GARIN5A: variants seen among roughly 807,000 people sequenced by gnomAD.
The protein encoded by GARIN5A is golgi associated RAB2 interactor 5A.
chr19:50,476,259 G>A, the GARIN5A span: 37 of 1,611,494 alleles, frequency 2.3e-5, no homozygotes, highest in East Asian at 3.1e-4. Flanking sequence ...CGAGGGGGCG[G>A]GACTACGCGC....
chr19:50,476,561 C>A, the GARIN5A span: 6 of 1,575,200 alleles, frequency 3.8e-6, no homozygotes, highest in Non-Finnish European at 5.1e-6. Flanking sequence ...GCAGCCAGCG[C>A]TGGGGCAACC....
the GARIN5A span, chr19:50,467,916 C>A: frequency 9.0e-7 from 1 of 1,117,254 alleles, no homozygotes. Flanking sequence ...CCTTGCCACC[C>A]CTCCCTCTGC....
the GARIN5A span, chr19:50,476,353 C>A: frequency 6.3e-7 from 1 of 1,574,882 alleles, no homozygotes; most frequent in Non-Finnish European, 8.6e-7. Flanking sequence ...CTGGAGGGGG[C>A]GGCTCCTGGA....
chr19:50,471,709 TGTGTGTATACGCATACATGCAC>T, the GARIN5A span, among the ~76,000 whole-genome samples: 2 of 144,504 alleles, frequency 1.4e-5, no homozygotes, highest in Admixed American at 1.4e-4. Context: ...TACATGCACG[TGTGTGTATACGCATACATGCAC>T]GTGTGTGTAT....
At chr19:50,476,478 G>C in the GARIN5A span, 5 of 1,574,734 alleles carry the variant, frequency 3.2e-6, no homozygotes, top group African/African-American at 6.8e-5. Context: ...GATGCGGCCT[G>C]TTCCTCCCGG....
chr19:50,476,818 G>T, the GARIN5A span: 1 of 543,136 alleles, frequency 1.8e-6, no homozygotes, highest in Non-Finnish European at 3.2e-6. Context: ...GCGCAGGAGG[G>T]GCCTCGCCAG....
chr19:50,476,288 GGAGCGGGCTTTATGACGTCACACAA>G, the GARIN5A span: 2 of 1,603,948 alleles, frequency 1.2e-6, no homozygotes, highest in Non-Finnish European at 1.7e-6. Flanking sequence ...GTCATGATGC[GGAGCGGGCTTTATGACGTCACACAA>G]GAGCGGGCTC....
At chr19:50,468,293 C>T in the GARIN5A span, among the ~76,000 whole-genome samples, 4 of 136,048 alleles carry the variant, frequency 2.9e-5, no homozygotes, top group Non-Finnish European at 6.1e-5. Context: ...ACCTGGGAGG[C>T]GGAGGTTGCA....
chr19:50,467,420 GT>G, the GARIN5A span: 16 of 617,096 alleles, frequency 2.6e-5, no homozygotes, highest in South Asian at 8.1e-5. Flanking sequence ...AGACCCAGGA[GT>G]CCAGGACCCC....
chr19:50,476,007 T>C, the GARIN5A span: 7 of 1,603,420 alleles, frequency 4.4e-6, no homozygotes, highest in Non-Finnish European at 5.1e-6. Context: ...GCTTCCCAAC[T>C]GAGAGGGCCC....
the GARIN5A span, chr19:50,475,213 C>T: frequency 7.8e-5 from 111 of 1,424,186 alleles, no homozygotes; most frequent in East Asian, 2.3e-3. Context: ...GGGCCGGTAG[C>T]ACTGCCAGCT....
chr19:50,476,008 G>A, the GARIN5A span: 1 of 1,601,972 alleles, frequency 6.2e-7, no homozygotes, highest in Non-Finnish European at 8.5e-7. Context: ...CTTCCCAACT[G>A]AGAGGGCCCG....
the GARIN5A span, among the ~76,000 whole-genome samples, chr19:50,472,074 A>G: frequency 6.7e-6 from 1 of 149,146 alleles, no homozygotes; most frequent in African/African-American, 2.5e-5. Flanking sequence ...ATATGTGTAT[A>G]TATACATGTG....
At chr19:50,473,940 T>C in the GARIN5A span, among the ~76,000 whole-genome samples, 1 of 151,636 alleles carries the variant, frequency 6.6e-6, no homozygotes, top group Non-Finnish European at 1.5e-5. Flanking sequence ...TGAGCCGAGG[T>C]TGTGCCACTG....
At chr19:50,469,221 G>A in the GARIN5A span, among the ~76,000 whole-genome samples, 3,698 of 152,230 alleles carry the variant, frequency 0.024, 63 homozygotes, top group Non-Finnish European at 0.037. Flanking sequence ...GGCTCAGTCC[G>A]ACCCTAGCAC....
the GARIN5A span, chr19:50,475,573 G>C: frequency 1.0e-6 from 1 of 966,928 alleles, no homozygotes; most frequent in South Asian, 1.6e-5. Flanking sequence ...TTGAAAATCA[G>C]GCTGGGGGCC....
At chr19:50,470,139 G>A in the GARIN5A span, among the ~76,000 whole-genome samples, 1 of 152,194 alleles carries the variant, frequency 6.6e-6, no homozygotes, top group South Asian at 2.1e-4. Context: ...GTTTAAGGAC[G>A]TTGCCTACCA....
At chr19:50,467,518 C>T in the GARIN5A span, 1 of 1,347,982 alleles carries the variant, frequency 7.4e-7, no homozygotes, top group Non-Finnish European at 1.0e-6. Flanking sequence ...CTCCCCTCTG[C>T]CCTCTGCTGC....
chr19:50,471,872 A>G, the GARIN5A span, among the ~76,000 whole-genome samples: 6 of 151,872 alleles, frequency 4.0e-5, no homozygotes, highest in South Asian at 1.2e-3. Context: ...GTGTATATGT[A>G]TGCATACATG....
Sources: allele counts gnomAD v4.1 joint callset (sites outside exome capture counted in the v4.1 genomes callset), GRCh38; gene constraint gnomAD v4.1.1; transcripts MANE v1.5; gene names NCBI Gene and HGNC (gene_info 2026-07-23, HGNC 2026-07-21).